Variants in RAPGEF5 observed in about 807,000 individuals in gnomAD.
The protein encoded by RAPGEF5 is Rap guanine nucleotide exchange factor 5.
A neutral mutation model predicts 125.2 loss-of-function variants in RAPGEF5; 65 were observed. The observed-to-expected ratio is 0.52, with a 90% CI of 0.43 to 0.64. RAPGEF5 has a LOEUF of 0.64. Ranked by LOEUF, RAPGEF5 falls within the 30% of genes least tolerant of loss-of-function variation. RAPGEF5 has a pLI of 0.00. For synonymous variants in RAPGEF5, 391 were observed against 385.9 expected (o/e 1.01, Z -0.16); for missense variants, 958 against 1,048.1 (o/e 0.91, Z 1.19).
At chr7:22,188,482 C>A (rs903287612) in intron 11 of RAPGEF5, among the ~76,000 whole-genome samples, 1 of 152,066 alleles carries the variant, frequency 6.6e-6, no homozygotes, top group Admixed American at 6.6e-5. Flanking sequence ...TAAAAAACAT[C>A]ACAGCCGGGC....
At chr7:22,286,460 C>T (rs1782799417) in intron 6 of RAPGEF5, among the ~76,000 whole-genome samples, 1 of 152,218 alleles carries the variant, frequency 6.6e-6, no homozygotes, top group African/African-American at 2.4e-5. Context: ...TCTATTTCTA[C>T]AATTTCCAAC....
At chr7:22,123,175 A>C (rs1038419967) in intron 25 of RAPGEF5, among the ~76,000 whole-genome samples, 3 of 152,206 alleles carry the variant, frequency 2.0e-5, no homozygotes, top group African/African-American at 7.2e-5. Context: ...GGACAAGACA[A>C]GGGGCTTTTC....
intron 1 of RAPGEF5, among the ~76,000 whole-genome samples, chr7:22,351,321 G>A (rs764080230): frequency 1.3e-4 from 20 of 152,158 alleles, no homozygotes; most frequent in Middle Eastern, 3.2e-3. Flanking sequence ...CCAAATAAAA[G>A]TGAAAAGTCT....
chr7:22,343,854 A>C (rs1398403863), intron 1 of RAPGEF5, among the ~76,000 whole-genome samples: 1 of 152,122 alleles, frequency 6.6e-6, no homozygotes, highest in African/African-American at 2.4e-5. Flanking sequence ...TCCCACATAA[A>C]GGTTTTATAA....
chr7:22,228,453 CAGAAAAG>C (rs1285027030), intron 8 of RAPGEF5, among the ~76,000 whole-genome samples: 1 of 152,032 alleles, frequency 6.6e-6, no homozygotes, highest in Non-Finnish European at 1.5e-5. Flanking sequence ...AGTATTATTA[CAGAAAAG>C]GAGGGTAGGA....
At chr7:22,292,449 A>G (rs1782956415) in intron 5 of RAPGEF5, among the ~76,000 whole-genome samples, 1 of 152,258 alleles carries the variant, frequency 6.6e-6, no homozygotes, top group Admixed American at 6.5e-5. Flanking sequence ...TTAAGCGCTC[A>G]TGCAGCAAAG....
At chr7:22,272,152 A>C (rs1436046731) in intron 6 of RAPGEF5, among the ~76,000 whole-genome samples, 1 of 151,728 alleles carries the variant, frequency 6.6e-6, no homozygotes, top group East Asian at 1.9e-4. Flanking sequence ...GACCAGCCTG[A>C]CCAACATGAG....
rs930617591 is a variant in RAPGEF5 at position 22,119,122 on chromosome 7, A to C, written c.*3284T>G. The C allele has an allele frequency of 6.6e-6, 1 of 152,308 alleles. No individual in the cohort carries two copies. The highest frequency in any genetic ancestry group is 2.1e-4 in the South Asian group (1 of 4,826). 9.4% of individuals were successfully genotyped at this position (152,308 alleles called of 1,614,324 possible). On this transcript the variant is annotated 3_prime_UTR_variant, in exon 26 of 26. Transcript: ENST00000665637. This position sits in a 1 kb window ranked among gnomAD's most constrained non-coding sequence, Gnocchi z 4.1. ...GATCTGCGGTGTCTGTGCTGGCTAG[A>C]ACAGACTCGCAGGGCTGGGATATGG...
At chr7:22,136,194 C>T in intron 22 of RAPGEF5, 69 bp from the exon 23 acceptor site, 1 of 1,152,200 alleles carries the variant, frequency 8.7e-7, no homozygotes, top group Non-Finnish European at 1.3e-6. Flanking sequence ...CTAAATCCAC[C>T]TTTGCTACAC....
chr7:22,244,927 T>C (rs1304240824), intron 7 of RAPGEF5, among the ~76,000 whole-genome samples: 49 of 152,238 alleles, frequency 3.2e-4, no homozygotes, highest in Admixed American at 3.2e-3. Context: ...TGTACTAATT[T>C]ACATTTCCAC....
intron 9 of RAPGEF5, among the ~76,000 whole-genome samples, chr7:22,209,706 A>C (rs1373848780): frequency 6.6e-6 from 1 of 152,118 alleles, no homozygotes; most frequent in African/African-American, 2.4e-5. Context: ...TAGGTAGGGG[A>C]GGAGTAGTTC....
At chr7:22,310,809 A>G (rs1447439116) in intron 3 of RAPGEF5, among the ~76,000 whole-genome samples, 3 of 152,216 alleles carry the variant, frequency 2.0e-5, no homozygotes, top group Admixed American at 6.5e-5. Flanking sequence ...GTTGGATTCC[A>G]CTAACCACGC....
At chr7:22,237,397 C>T (rs1249705633) in intron 7 of RAPGEF5, among the ~76,000 whole-genome samples, 1 of 147,524 alleles carries the variant, frequency 6.8e-6, no homozygotes, top group Non-Finnish European at 1.5e-5. Flanking sequence ...GAAATTGACC[C>T]TTCTGGTCTT....
chr7:22,194,664 T>C (rs1785104444), intron 9 of RAPGEF5: 5 of 985,264 alleles, frequency 5.1e-6, no homozygotes, highest in Non-Finnish European at 6.0e-6. Context: ...AATGGATCTC[T>C]AGTTAGAATC....
At chr7:22,337,590 C>T (rs74213066) in intron 1 of RAPGEF5, among the ~76,000 whole-genome samples, 1 of 152,130 alleles carries the variant, frequency 6.6e-6, no homozygotes. Context: ...TTTAAACTAT[C>T]AACTAAATTT....
At chr7:22,318,140 A>T in intron 1 of RAPGEF5, 103 bp from the exon 2 acceptor site, 1 of 771,864 alleles carries the variant, frequency 1.3e-6, no homozygotes, top group Non-Finnish European at 1.8e-6. Flanking sequence ...TCTGCTATGA[A>T]AAAAAAAAAA....
At chr7:22,286,943 A>G (rs1782812249) in intron 6 of RAPGEF5, among the ~76,000 whole-genome samples, 1 of 152,270 alleles carries the variant, frequency 6.6e-6, no homozygotes, top group African/African-American at 2.4e-5. Context: ...TCACAGCAAC[A>G]GAGACTTGCA....
intron 7 of RAPGEF5, among the ~76,000 whole-genome samples, chr7:22,231,904 G>T (rs1332929913): frequency 6.6e-6 from 1 of 152,322 alleles, no homozygotes; most frequent in East Asian, 1.9e-4. Context: ...GGAAGTGCAT[G>T]ATTTGATGCA....
intron 18 of RAPGEF5, 70 bp downstream of exon 18, chr7:22,150,337 T>C (rs1783584081): frequency 6.8e-7 from 1 of 1,479,410 alleles, no homozygotes; most frequent in Non-Finnish European, 9.2e-7. Flanking sequence ...CCTCCCAAAG[T>C]GCTCAGATTA....
Sources: allele counts gnomAD v4.1 joint callset (sites outside exome capture counted in the v4.1 genomes callset), GRCh38; gene constraint gnomAD v4.1.1; non-coding constraint Gnocchi (gnomAD v3.1); transcripts MANE v1.5; gene names NCBI Gene and HGNC (gene_info 2026-07-23, HGNC 2026-07-21).